Variants in ZDHHC14 observed in about 807,000 individuals in gnomAD.
The protein encoded by ZDHHC14 is palmitoyltransferase ZDHHC14.
A neutral mutation model predicts 47.7 loss-of-function variants in ZDHHC14; 16 were observed. The ratio of observed to expected loss-of-function variants is 0.34; its 90% CI spans 0.23 to 0.51. The LOEUF (loss-of-function observed/expected upper bound fraction) is 0.51. ZDHHC14 is among the 20% of genes least tolerant of loss of function. The pLI, the probability that ZDHHC14 is intolerant of heterozygous loss-of-function variation, is 0.97. For missense variants in ZDHHC14, 515 were observed against 662.5 expected, an observed-to-expected ratio of 0.78 and a Z score of 2.44; for synonymous variants, 293 against 278.9, an observed-to-expected ratio of 1.05 and a Z score of -0.50.
At chr6:157,641,532 CAGTTG>C (rs1469573536) in intron 5 of ZDHHC14, among the ~76,000 whole-genome samples, 2 of 152,086 alleles carry the variant, frequency 1.3e-5, no homozygotes, top group East Asian at 1.9e-4. Context: ...GTCCATGTAT[CAGTTG>C]AGTTATTTGT....
intron 8 of ZDHHC14, among the ~76,000 whole-genome samples, chr6:157,666,624 T>C (rs1029862782): frequency 1.3e-5 from 2 of 152,220 alleles, no homozygotes; most frequent in African/African-American, 2.4e-5. Context: ...TTTGACAGAA[T>C]TGGAGCAAAA....
At chr6:157,389,277 C>G (rs1287173275) in intron 1 of ZDHHC14, among the ~76,000 whole-genome samples, 4 of 152,174 alleles carry the variant, frequency 2.6e-5, no homozygotes, top group Non-Finnish European at 4.4e-5. Flanking sequence ...TTATTTCTGT[C>G]TTTTTCTCTC....
intron 1 of ZDHHC14, among the ~76,000 whole-genome samples, chr6:157,503,342 G>C (rs575985745): frequency 2.0e-5 from 3 of 152,152 alleles, no homozygotes; most frequent in Non-Finnish European, 4.4e-5. Context: ...AGGAAGGAAG[G>C]ATTTTTCAAG....
chr6:157,653,468 C>T, intron 7 of ZDHHC14, 57 bp from the exon 8 acceptor site: 1 of 1,586,402 alleles, frequency 6.3e-7, no homozygotes, highest in Non-Finnish European at 8.6e-7. Context: ...GATAGTGCTG[C>T]TGCATCTCTG....
intron 1 of ZDHHC14, among the ~76,000 whole-genome samples, chr6:157,489,725 G>T (rs2114725894): frequency 6.6e-6 from 1 of 152,294 alleles, no homozygotes; most frequent in South Asian, 2.1e-4. Context: ...CAGTGGGGAG[G>T]GGAGAAACCT....
intron 3 of ZDHHC14, among the ~76,000 whole-genome samples, chr6:157,613,567 G>A (rs1035115055): frequency 6.6e-6 from 1 of 152,168 alleles, no homozygotes; most frequent in Admixed American, 6.5e-5. Context: ...GGGACCCTGG[G>A]GATGGCACAT....
At chr6:157,415,946 T>C (rs1777964658) in intron 1 of ZDHHC14, among the ~76,000 whole-genome samples, 1 of 151,336 alleles carries the variant, frequency 6.6e-6, no homozygotes, top group Non-Finnish European at 1.5e-5. Context: ...CTTGAAGAAA[T>C]ACCAAAGACA....
intron 1 of ZDHHC14, among the ~76,000 whole-genome samples, chr6:157,492,016 G>A (rs961893518): frequency 3.9e-5 from 6 of 152,198 alleles, no homozygotes; most frequent in African/African-American, 1.2e-4. Flanking sequence ...GGGGCTCCCC[G>A]CCAGAACACT....
intron 2 of ZDHHC14, among the ~76,000 whole-genome samples, chr6:157,555,016 G>A (rs1782400339): frequency 6.6e-6 from 1 of 152,186 alleles, no homozygotes. Context: ...CCTCTATACA[G>A]TTCTCATGTT....
chr6:157,413,430 A>G (rs1317197553), intron 1 of ZDHHC14, among the ~76,000 whole-genome samples: 2 of 152,222 alleles, frequency 1.3e-5, no homozygotes, highest in African/African-American at 4.8e-5. Flanking sequence ...TATTTCACCA[A>G]CACTCACTGG....
chr6:157,539,431 C>G (rs111831248), intron 1 of ZDHHC14, among the ~76,000 whole-genome samples: 1 of 151,988 alleles, frequency 6.6e-6, no homozygotes, highest in African/African-American at 2.4e-5. Context: ...AATAAATAAA[C>G]AAACAAACAG....
chr6:157,399,698 C>T (rs756120118), intron 1 of ZDHHC14, among the ~76,000 whole-genome samples: 11 of 152,244 alleles, frequency 7.2e-5, no homozygotes, highest in African/African-American at 1.2e-4. Context: ...CTCTCCCAGG[C>T]GCACATTCCT....
chr6:157,467,435 T>C (rs1362349071), intron 1 of ZDHHC14, among the ~76,000 whole-genome samples: 2 of 152,196 alleles, frequency 1.3e-5, no homozygotes, highest in Non-Finnish European at 2.9e-5. Flanking sequence ...ATGTGGCCTT[T>C]TGTGCCTGGC....
chr6:157,660,192 TTTTTTTTTTTTTC>T (rs1778289544), intron 8 of ZDHHC14, among the ~76,000 whole-genome samples: 1 of 151,712 alleles, frequency 6.6e-6, no homozygotes, highest in African/African-American at 2.4e-5. Context: ...TTTTTTCTTT[TTTTTTTTTTTTTC>T]TTTTTAGACG....
At chr6:157,469,019 G>A (rs1465058192) in intron 1 of ZDHHC14, among the ~76,000 whole-genome samples, 1 of 152,204 alleles carries the variant, frequency 6.6e-6, no homozygotes, top group African/African-American at 2.4e-5. Context: ...AGGTCTTAAT[G>A]TGAATGACAG....
At position 157,560,044 on chromosome 6, in the gene ZDHHC14, A is replaced by G. The variant is rs1327969695; in HGVS notation, c.406+17299A>G. On this transcript the variant is annotated intron_variant, in intron 2 of 8. Transcript: ENST00000359775. ...GGAGGGAAATGGATACACGAATTAC[A>G]CTATACGTCTATGATGAATTACACT... 2.6e-5 allele frequency among the ~76,000 whole-genome samples: 4 copies of G among 152,252 alleles called. No homozygotes were observed. The East Asian group carries it at 7.7e-4, about 29-fold the overall frequency.
chr6:157,459,954 G>C (rs971230841), intron 1 of ZDHHC14, among the ~76,000 whole-genome samples: 1 of 150,942 alleles, frequency 6.6e-6, no homozygotes, highest in Admixed American at 6.6e-5. Context: ...TCTCATGCCT[G>C]TAATCCCAGC....
At position 157,625,252 on chromosome 6, in the gene ZDHHC14, G is replaced by T. The variant is rs185276051; in HGVS notation, c.566-3097G>T. Among the ~76,000 whole-genome samples, 227 of 152,250 alleles carry T rather than the reference G, an allele frequency of 1.5e-3. 1 individual carries two copies. Among genetic ancestry groups the T allele is most frequent in the Middle Eastern group, 3.4e-3 (1 of 294 alleles). On this transcript the variant is annotated intron_variant, in intron 3 of 8. Coordinates refer to ENST00000359775, the MANE Select transcript of ZDHHC14 (RefSeq NM_024630.3). ...GACTTGCTCATGGTTTGGATGTGGG[G>T]GTGAGAGAAAGGGCGGGGTCAGGAA... is the stretch of plus-strand genomic sequence containing the variant.
At chr6:157,443,196 A>G (rs894624921) in intron 1 of ZDHHC14, among the ~76,000 whole-genome samples, 6 of 152,098 alleles carry the variant, frequency 3.9e-5, no homozygotes, top group African/African-American at 1.4e-4. Flanking sequence ...TTTGCTCTGC[A>G]CTTCTCTCTC....
Sources: allele counts gnomAD v4.1 joint callset (sites outside exome capture counted in the v4.1 genomes callset), GRCh38; gene constraint gnomAD v4.1.1; transcripts MANE v1.5; gene names NCBI Gene and HGNC (gene_info 2026-07-23, HGNC 2026-07-21).